SLC25A42: variants seen among roughly 807,000 people sequenced by gnomAD.
The protein encoded by SLC25A42 is mitochondrial coenzyme A transporter SLC25A42.
SLC25A42 carries 19 observed loss-of-function variants against 34.7 expected under a neutral mutation model. The ratio of observed to expected loss-of-function variants is 0.55; its 90% CI spans 0.38 to 0.80. SLC25A42 has a LOEUF of 0.80. SLC25A42 is among the 30% of genes least tolerant of loss of function. SLC25A42 has a pLI of 0.00. For missense variants in SLC25A42, 364 were observed against 441.3 expected (o/e 0.82, Z 1.57); for synonymous variants, 205 against 191.2 (o/e 1.07, Z -0.59).
At chr19:19,084,024 G>A (rs1221306711) in intron 1 of SLC25A42, among the ~76,000 whole-genome samples, 2 of 134,438 alleles carry the variant, frequency 1.5e-5, no homozygotes, top group Admixed American at 1.5e-4. Flanking sequence ...GCATGCCCCT[G>A]CAGGCACCTC....
chr19:19,080,092 G>A (rs1163383069), intron 1 of SLC25A42, among the ~76,000 whole-genome samples: 1 of 152,210 alleles, frequency 6.6e-6, no homozygotes, highest in African/African-American at 2.4e-5. Flanking sequence ...GAGTCAGGAG[G>A]AGAACGGGTG....
In SLC25A42 at chr19:19,112,222, A is replaced by C. The variant is rs1289909485; in HGVS notation, c.*1346A>C. 1 of 152,390 alleles carries C rather than the reference A, an allele frequency of 6.6e-6. No individual in the cohort carries two copies. Among genetic ancestry groups the C allele is most frequent in the African/African-American group, 2.4e-5 (1 of 41,456 alleles). The allele number at this position is 152,390 out of a possible 1,614,324, so 9.4% of individuals were successfully genotyped here. A position where few individuals can be genotyped will look rare whatever the true frequency, so the allele number is the denominator to read the frequency against. On this transcript the variant is annotated 3_prime_UTR_variant, in exon 8 of 8. Transcript: ENST00000318596. The surrounding 1 kb of genome is among the most constrained non-coding windows in gnomAD (Gnocchi z 4.3). Reference sequence around the variant, plus strand: ...TGTTGCTTTCGACAGCTGGCTCAGCACACGCTGTGTGAAGGGATCTGAGCT... The same window carrying C: ...TGTTGCTTTCGACAGCTGGCTCAGCCCACGCTGTGTGAAGGGATCTGAGCT...
Position 19,110,724 on chromosome 19 carries a change from C to G in SLC25A42, c.805C>G (p.Arg269Gly). ...VTGYPRASIA[R>G]TLRTIVREEG... ...GGGCTACCCGCGCGCCTCCATCGCCCGCACGCTGCGCACCATCGTGCGGGA... is the reference window on the plus strand; with the variant it reads ...GGGCTACCCGCGCGCCTCCATCGCCGGCACGCTGCGCACCATCGTGCGGGA... Residue 269 changes from arginine to glycine, a missense_variant, in exon 8 of 8, where the codon CGC becomes GGC. Arg to Gly is a moderately radical substitution (Grantham distance 125). Coordinates refer to ENST00000318596, the MANE Select transcript of SLC25A42 (RefSeq NM_178526.5). 6.2e-7 allele frequency: 1 copy of G among 1,607,608 alleles called. No homozygotes were observed. Among genetic ancestry groups the G allele is most frequent in the East Asian group, 2.3e-5 (1 of 44,424 alleles).
At chr19:19,077,208 T>C (rs2059659659) in intron 1 of SLC25A42, among the ~76,000 whole-genome samples, 1 of 152,060 alleles carries the variant, frequency 6.6e-6, no homozygotes, top group Non-Finnish European at 1.5e-5. Flanking sequence ...ATAAAAAGTG[T>C]GGTAAAATAC....
At chr19:19,092,958 A>G (rs1211170489) in intron 1 of SLC25A42, among the ~76,000 whole-genome samples, 1 of 151,656 alleles carries the variant, frequency 6.6e-6, no homozygotes, top group African/African-American at 2.4e-5. Context: ...AAAGATGCCG[A>G]CCCCCAGCAA....
chr19:19,066,453 CTTT>C (rs34535990), intron 1 of SLC25A42, among the ~76,000 whole-genome samples: 7 of 131,764 alleles, frequency 5.3e-5, no homozygotes, highest in African/African-American at 5.7e-5. Context: ...TTTTTTCTTT[CTTT>C]TTTTTTTTTT....
intron 2 of SLC25A42, 81 bp from the exon 3 acceptor site, chr19:19,101,700 T>G: frequency 4.7e-6 from 6 of 1,281,140 alleles, no homozygotes; most frequent in Non-Finnish European, 6.6e-6. Flanking sequence ...CCAGAGGGTG[T>G]AAGGAAGGCA....
intron 1 of SLC25A42, among the ~76,000 whole-genome samples, chr19:19,068,796 C>A (rs2059615027): frequency 6.6e-6 from 1 of 151,890 alleles, no homozygotes; most frequent in African/African-American, 2.4e-5. Context: ...TGAGATGGCA[C>A]CACTGCACTC....
At chr19:19,107,839 C>T in intron 6 of SLC25A42, 55 bp from the exon 7 acceptor site, 2 of 1,606,772 alleles carry the variant, frequency 1.2e-6, no homozygotes, top group Non-Finnish European at 1.7e-6. Flanking sequence ...TCTGTGGCTC[C>T]TCCCTGTGCC....
intron 1 of SLC25A42, among the ~76,000 whole-genome samples, chr19:19,086,017 C>T (rs1377454527): frequency 6.6e-6 from 1 of 152,214 alleles, no homozygotes. Flanking sequence ...GGACCATGTG[C>T]CGTGGAGGAC....
intron 2 of SLC25A42, among the ~76,000 whole-genome samples, chr19:19,101,297 C>T (rs996411586): frequency 6.6e-6 from 1 of 152,184 alleles, no homozygotes; most frequent in African/African-American, 2.4e-5. Flanking sequence ...TCATAGATGC[C>T]TACCTCTGGA....
At chr19:19,065,098 T>A (rs2059594519) in intron 1 of SLC25A42, among the ~76,000 whole-genome samples, 2 of 152,150 alleles carry the variant, frequency 1.3e-5, no homozygotes, top group Admixed American at 1.3e-4. Flanking sequence ...TCAGAGGGAT[T>A]GGCAGGAGTC....
chr19:19,080,463 G>A (rs1487351126), intron 1 of SLC25A42, among the ~76,000 whole-genome samples: 2 of 152,072 alleles, frequency 1.3e-5, no homozygotes, highest in Non-Finnish European at 2.9e-5. Context: ...ACCAGGCTCA[G>A]GGCTCAGGGT....
Position 19,104,957 on chromosome 19 carries a change from G to A in SLC25A42, c.213+19G>A, listed in dbSNP as rs370552159. The stretch of plus-strand genomic sequence containing the variant: ...TGCCAAGGTGAGCCACTATGTCACC[G>A]CCCCGGCCTGGGGACAGTCACCACT... On this transcript the variant is annotated intron_variant, in intron 4 of 7. Coordinates refer to ENST00000318596, the MANE Select transcript of SLC25A42 (RefSeq NM_178526.5). The A allele has an allele frequency of 3.0e-5, 48 of 1,613,892 alleles. No individual in the cohort carries two copies. Among genetic ancestry groups the A allele is most frequent in the Middle Eastern group, 1.6e-4 (1 of 6,078 alleles).
chr19:19,083,696 G>A (rs1221941498), intron 1 of SLC25A42, among the ~76,000 whole-genome samples: 4 of 151,846 alleles, frequency 2.6e-5, no homozygotes, highest in Admixed American at 1.3e-4. Flanking sequence ...AGTCACAGGA[G>A]CAGTGAGGAT....
chr19:19,068,354 CA>C (rs565352679), intron 1 of SLC25A42, among the ~76,000 whole-genome samples: 3,053 of 68,816 alleles, frequency 0.044, 94 homozygotes, highest in African/African-American at 0.14. Flanking sequence ...GACTCTGTCT[CA>C]AAAAAAAAAA....
In SLC25A42 at chr19:19,105,676, C is replaced by T. The variant is rs776738600; in HGVS notation, c.329C>T (p.Ala110Val). The change falls in exon 5 of 8, where the codon GCA becomes GTA. Residue 110 changes from alanine to valine, a missense_variant. Coordinates refer to ENST00000318596, the MANE Select transcript of SLC25A42 (RefSeq NM_178526.5). ...CCCTACGCCGCCATCCAGTTCAGCG[C>T]ACACGAGGAGTACAAGCGCATCCTG... is the stretch of plus-strand genomic sequence containing the variant. ...VVPYAAIQFSAHEEYKRILGS... is the reference protein window; with the variant it reads ...VVPYAAIQFSVHEEYKRILGS... 32 of 1,612,870 alleles carry T rather than the reference C, an allele frequency of 2.0e-5. No homozygotes were observed. The highest frequency in any genetic ancestry group is 1.0e-4 in the Admixed American group (6 of 59,850).
At position 19,110,814 on chromosome 19, in the gene SLC25A42, G is replaced by A; in HGVS notation, c.895G>A (p.Val299Met). Reference protein sequence around the residue: ...SMNWVKGPIAVGISFTTFDLM... With the variant: ...SMNWVKGPIAMGISFTTFDLM... The stretch of plus-strand genomic sequence containing the variant: ...GAACTGGGTCAAGGGTCCCATCGCC[G>A]TGGGCATCAGCTTCACCACCTTCGA... The change falls in exon 8 of 8, where the codon GTG (valine) becomes ATG (methionine). Residue 299 changes from valine (V) to methionine (M), a missense_variant. By Grantham distance (21) the Val-to-Met change is conservative. Coordinates refer to ENST00000318596, the MANE Select transcript of SLC25A42 (RefSeq NM_178526.5). The A allele has an allele frequency of 1.9e-6, 3 of 1,613,942 alleles. No individual in the cohort carries two copies. Among genetic ancestry groups the A allele is most frequent in the Non-Finnish European group, 2.5e-6 (3 of 1,180,020 alleles).
intron 2 of SLC25A42, 48 bp from the exon 3 acceptor site, chr19:19,101,733 G>A (rs765700768): frequency 1.9e-5 from 29 of 1,546,526 alleles, no homozygotes; most frequent in African/African-American, 1.1e-4. Flanking sequence ...GGTCCTCTGC[G>A]GAGCCGCCCC....
Sources: gnomAD v4.1 joint callset for allele counts (sites outside exome capture counted in the v4.1 genomes callset) on GRCh38, gnomAD v4.1.1 for gene constraint, Gnocchi (gnomAD v3.1) non-coding constraint, MANE v1.5 for transcripts, NCBI Gene and HGNC (gene_info 2026-07-23, HGNC 2026-07-21) for gene names.